IPO7: variants seen among roughly 807,000 people sequenced by gnomAD.
IPO7 encodes the protein importin-7.
In IPO7, 13 loss-of-function variants were observed where a neutral mutation model predicts 136.4. The ratio of observed to expected loss-of-function variants is 0.10; its 90% confidence interval spans 0.06 to 0.15. The LOEUF (loss-of-function observed/expected upper bound fraction) is 0.15. Ranked by LOEUF, IPO7 falls within the 10% of genes least tolerant of loss-of-function variation. The pLI is 1.00. For missense variants in IPO7, 857 were observed against 1,240.6 expected, an observed-to-expected ratio of 0.69 and a Z score of 4.65; for synonymous variants, 403 against 404.4, an observed-to-expected ratio of 1.00 and a Z score of 0.04.
intron 12 of IPO7, among the ~76,000 whole-genome samples, chr11:9,425,872 C>A (rs183962972): frequency 6.9e-6 from 1 of 145,444 alleles, no homozygotes; most frequent in South Asian, 2.2e-4. Flanking sequence ...GAGTGAGACT[C>A]TGTCTCCAAA....
rs1189911941 is a variant in IPO7 at position 9,424,587 on chromosome 11, T to C, written c.1142-327T>C. Among the ~76,000 whole-genome samples, 20 of 152,124 alleles carry C rather than the reference T, an allele frequency of 1.3e-4. No individual in the cohort carries two copies. In the East Asian group the frequency reaches 3.9e-3, roughly 29 times the overall value. On this transcript the variant is annotated intron_variant, in intron 10 of 24. Coordinates refer to ENST00000379719, the MANE Select transcript of IPO7 (RefSeq NM_006391.3). ...AGTGAAACCCCATCTCTACTAAAAA[T>C]ACAAAAATTAGCCGGGCGTGGTGGC...
chr11:9,386,554 G>T (rs1854554575), intron 1 of IPO7, among the ~76,000 whole-genome samples: 1 of 152,106 alleles, frequency 6.6e-6, no homozygotes, highest in Non-Finnish European at 1.5e-5. Context: ...AATTATACTT[G>T]CATGTAATTA....
chr11:9,401,591 A>G (rs893163474), intron 1 of IPO7, among the ~76,000 whole-genome samples: 1 of 152,004 alleles, frequency 6.6e-6, no homozygotes, highest in African/African-American at 2.4e-5. Context: ...AGAAGCAAAT[A>G]TGACAAATTT....
At chr11:9,442,033 A>G (rs1246191332) in intron 23 of IPO7, 48 bp from the exon 24 acceptor site, 1 of 871,752 alleles carries the variant, frequency 1.1e-6, no homozygotes, top group Non-Finnish European at 2.0e-6. Flanking sequence ...GGAGCTACCA[A>G]GCCTCTCTTA....
chr11:9,433,428 T>C, intron 16 of IPO7, 142 bp from the exon 17 acceptor site: 1 of 569,308 alleles, frequency 1.8e-6, no homozygotes, highest in South Asian at 2.6e-5. Flanking sequence ...AATTTCATAA[T>C]GTGTAAGTCA....
intron 18 of IPO7, among the ~76,000 whole-genome samples, chr11:9,434,165 C>T (rs1361621954): frequency 2.6e-5 from 4 of 151,986 alleles, no homozygotes; most frequent in Non-Finnish European, 2.9e-5. Flanking sequence ...TGAGGTGATC[C>T]GCCCACCTCA....
At chr11:9,415,486 A>C (rs1407989675) in intron 5 of IPO7, among the ~76,000 whole-genome samples, 1 of 152,208 alleles carries the variant, frequency 6.6e-6, no homozygotes, top group Non-Finnish European at 1.5e-5. Flanking sequence ...GGTACACAGT[A>C]ATGGCTTTTA....
rs1854524340 is a variant in IPO7 at position 9,384,699 on chromosome 11, A to G, written c.-65A>G. Reference sequence around the variant, plus strand: ...CGGAGCGCGGCGGGTCCATGTGCGCAGTGAGTGGCGCTATTCCTGGCCCAG... The same window carrying G: ...CGGAGCGCGGCGGGTCCATGTGCGCGGTGAGTGGCGCTATTCCTGGCCCAG... On this transcript the variant is annotated 5_prime_UTR_variant, in exon 1 of 25. Coordinates refer to ENST00000379719, the MANE Select transcript of IPO7 (RefSeq NM_006391.3). The G allele has an allele frequency of 3.7e-6, 5 of 1,343,496 alleles. No homozygotes were observed. The highest frequency in any genetic ancestry group is 4.3e-5 in the Admixed American group (2 of 46,684). The allele number at this position is 1,343,496 out of a possible 1,614,324, so 83.2% of individuals were successfully genotyped here.
At chr11:9,442,762 C>T (rs1855476413) in intron 24 of IPO7, among the ~76,000 whole-genome samples, 1 of 151,448 alleles carries the variant, frequency 6.6e-6, no homozygotes, top group Non-Finnish European at 1.5e-5. Context: ...GTGGCTCATG[C>T]CTGTAATTCC....
chr11:9,433,309 T>G, intron 16 of IPO7: 1 of 439,760 alleles, frequency 2.3e-6, no homozygotes, highest in African/African-American at 2.0e-5. Flanking sequence ...TCATAGTTGT[T>G]TGCATTTTTC....
In IPO7 at chr11:9,423,106, C is replaced by T. The variant is rs1272776218; in HGVS notation, c.1007C>T (p.Ala336Val). The change falls in exon 9 of 25, where the codon GCT (alanine) becomes GTT (valine). Residue 336 changes from alanine (A) to valine (V), a missense_variant. Around this residue, in one of 11 missense-constraint regions of IPO7, gnomAD observed 127 missense variants for 222.4 expected, o/e 0.57. Transcript: ENST00000379719. ...TATATTAATCAAGGAGTTTCTCATG[C>T]TCTCACCTGGAAGAATCTGAAGCCC... is the stretch of plus-strand genomic sequence containing the variant. ...LNYINQGVSH[A>V]LTWKNLKPHI... 6.3e-7 allele frequency: 1 copy of T among 1,591,020 alleles called. No homozygotes were observed.
intron 22 of IPO7, among the ~76,000 whole-genome samples, chr11:9,439,805 C>T (rs1304929227): frequency 6.6e-6 from 1 of 151,870 alleles, no homozygotes; most frequent in African/African-American, 2.4e-5. Context: ...AATCTCCTGA[C>T]CTCATGATCT....
At position 9,445,577 on chromosome 11, in the gene IPO7, A is replaced by G. The variant is rs998133804; in HGVS notation, c.*383A>G. The G allele has an allele frequency of 6.2e-6, 1 of 161,336 alleles. No individual in the cohort carries two copies. Among genetic ancestry groups the G allele is most frequent in the African/African-American group, 2.4e-5 (1 of 41,704 alleles). 10.0% of individuals were successfully genotyped at this position (161,336 alleles called of 1,614,324 possible). A position where few individuals can be genotyped will look rare whatever the true frequency, so the allele number is the denominator to read the frequency against. ...GGACTATTTAAAATGTCTCATTTAC[A>G]GTATAAAACTCAAAGGTAGATGTAA... On this transcript the variant is annotated 3_prime_UTR_variant, in exon 25 of 25. Transcript: ENST00000379719.
At chr11:9,384,956 G>T in intron 1 of IPO7, 109 bp downstream of exon 1, 1 of 793,244 alleles carries the variant, frequency 1.3e-6, no homozygotes. Context: ...GAGGGTCCCA[G>T]CAGGAGGGTG....
chr11:9,415,251 G>A (rs1855024194), intron 5 of IPO7, among the ~76,000 whole-genome samples: 2 of 151,914 alleles, frequency 1.3e-5, no homozygotes, highest in Admixed American at 6.6e-5. Flanking sequence ...GAACCTGCGA[G>A]GCGGAGGTTG....
chr11:9,438,044 A>AGTTT (rs1554956322), intron 21 of IPO7, 36 bp from the exon 22 acceptor site: 2 of 1,035,558 alleles, frequency 1.9e-6, no homozygotes, highest in Non-Finnish European at 2.7e-6. Context: ...AAAAGAAAAC[A>AGTTT]GTTTTTTTTT....
chr11:9,424,359 A>G (rs1037310907), intron 10 of IPO7, among the ~76,000 whole-genome samples: 5 of 152,218 alleles, frequency 3.3e-5, no homozygotes, highest in Non-Finnish European at 7.3e-5. Context: ...TTCTCACATC[A>G]GTAGTGTTTC....
chr11:9,385,418 C>T (rs141225043), intron 1 of IPO7, among the ~76,000 whole-genome samples: 2 of 152,260 alleles, frequency 1.3e-5, no homozygotes, highest in African/African-American at 4.8e-5. Flanking sequence ...GCCTCCTTGG[C>T]AGGATAGGAG....
intron 1 of IPO7, chr11:9,392,194 T>TTTTTAA: frequency 3.1e-6 from 1 of 322,560 alleles, no homozygotes; most frequent in Non-Finnish European, 6.0e-6. Flanking sequence ...TTTTTTTTTT[T>TTTTTAA]GAGACGGAGT....
Sources: allele counts gnomAD v4.1 joint callset (sites outside exome capture counted in the v4.1 genomes callset), GRCh38; gene constraint gnomAD v4.1.1; regional missense constraint gnomAD v4.1.1; transcripts MANE v1.5; gene names NCBI Gene and HGNC (gene_info 2026-07-23, HGNC 2026-07-21).